MCU: variants seen among roughly 807,000 people sequenced by gnomAD.
MCU encodes mitochondrial calcium uniporter, also known as calcium uniporter protein, mitochondrial.
In MCU, 12 loss-of-function variants were observed where a neutral mutation model predicts 45.2. The observed-to-expected ratio is 0.27, with a 90% CI of 0.17 to 0.43. MCU has a LOEUF of 0.43. Ranked by LOEUF, MCU falls within the 20% of genes least tolerant of loss-of-function variation. MCU has a pLI of 1.00. For synonymous variants in MCU, 160 were observed against 165.1 expected (o/e 0.97, Z 0.24); for missense variants, 324 against 436.7 (o/e 0.74, Z 2.30).
intron 1 of MCU, among the ~76,000 whole-genome samples, chr10:72,805,538 C>T (rs1844434878): frequency 6.6e-6 from 1 of 152,132 alleles, no homozygotes; most frequent in Admixed American, 6.5e-5. Flanking sequence ...TGAGCCACCT[C>T]ACCCGGCTGC....
At chr10:72,852,853 A>G (rs1057233406) in intron 2 of MCU, among the ~76,000 whole-genome samples, 1 of 152,218 alleles carries the variant, frequency 6.6e-6, no homozygotes, top group Non-Finnish European at 1.5e-5. Flanking sequence ...CTAGAACATA[A>G]CTATTGCCAG....
intron 1 of MCU, among the ~76,000 whole-genome samples, chr10:72,713,399 C>G (rs1046715708): frequency 2.0e-5 from 3 of 152,176 alleles, no homozygotes; most frequent in African/African-American, 7.2e-5. Flanking sequence ...CCTGCCTCAG[C>G]CTCCCGAGTA....
At chr10:72,816,935 T>A (rs1339253984) in intron 1 of MCU, among the ~76,000 whole-genome samples, 2 of 152,232 alleles carry the variant, frequency 1.3e-5, no homozygotes, top group Non-Finnish European at 2.9e-5. Context: ...ATAAAAAGTG[T>A]TCTACAGCAA....
At chr10:72,772,250 G>T (rs1758168458) in intron 1 of MCU, among the ~76,000 whole-genome samples, 1 of 152,200 alleles carries the variant, frequency 6.6e-6, no homozygotes, top group South Asian at 2.1e-4. Context: ...AAGTCCCATG[G>T]GCACAAACTC....
At chr10:72,878,587 G>A (rs1413606701) in intron 6 of MCU, among the ~76,000 whole-genome samples, 1 of 152,112 alleles carries the variant, frequency 6.6e-6, no homozygotes, top group African/African-American at 2.4e-5. Flanking sequence ...AAACAACAAG[G>A]TTGAGAATAT....
chr10:72,766,376 T>C (rs1266799789), intron 1 of MCU, among the ~76,000 whole-genome samples: 3 of 152,178 alleles, frequency 2.0e-5, no homozygotes, highest in African/African-American at 7.2e-5. Context: ...TGCCACAGTC[T>C]CTGCAGTTCA....
rs368656438 is a variant in MCU at position 72,767,331 on chromosome 10, C to T, written c.151-67028C>T. On this transcript the variant is annotated intron_variant, in intron 1 of 7. Transcript: ENST00000373053. ...ATTCATAGTTAAGAAAACTGAGACA[C>T]AGGTATTATAGAGGCTCAGAGATTA... Among the ~76,000 whole-genome samples, 52 of 152,176 alleles carry T rather than the reference C, an allele frequency of 3.4e-4. 1 individual carries two copies. In the East Asian group the frequency reaches 5.0e-3, roughly 15 times the overall value.
At chr10:72,837,427 C>T (rs2132838868) in intron 2 of MCU, among the ~76,000 whole-genome samples, 1 of 152,264 alleles carries the variant, frequency 6.6e-6, no homozygotes, top group Middle Eastern at 3.4e-3. Context: ...GACAAGCAGA[C>T]CTAGGTTTAT....
At chr10:72,844,169 C>T (rs1312431782) in intron 2 of MCU, among the ~76,000 whole-genome samples, 1 of 152,024 alleles carries the variant, frequency 6.6e-6, no homozygotes, top group African/African-American at 2.4e-5. Context: ...GGCAGATCAC[C>T]TTAGGTCAGG....
At chr10:72,705,287 C>A (rs1842805795) in intron 1 of MCU, among the ~76,000 whole-genome samples, 1 of 152,278 alleles carries the variant, frequency 6.6e-6, no homozygotes, top group East Asian at 1.9e-4. Flanking sequence ...ATTTATATAT[C>A]AAAAATCAGA....
intron 1 of MCU, among the ~76,000 whole-genome samples, chr10:72,741,350 C>T (rs761912751): frequency 6.6e-6 from 1 of 152,192 alleles, no homozygotes; most frequent in Non-Finnish European, 1.5e-5. Flanking sequence ...ATCCGCCCGC[C>T]TTGGCCTTCC....
chr10:72,837,225 T>A (rs1439203150), intron 2 of MCU, among the ~76,000 whole-genome samples: 1 of 151,992 alleles, frequency 6.6e-6, no homozygotes. Context: ...TAAATACTTA[T>A]GAGAATCTAT....
intron 2 of MCU, among the ~76,000 whole-genome samples, chr10:72,853,693 GA>G (rs1000195625): frequency 1.3e-5 from 2 of 152,158 alleles, no homozygotes; most frequent in Non-Finnish European, 2.9e-5. Flanking sequence ...TCAAATTGTT[GA>G]AAACCAGTGA....
chr10:72,789,390 C>G (rs1324520693), intron 1 of MCU, among the ~76,000 whole-genome samples: 2 of 151,972 alleles, frequency 1.3e-5, no homozygotes, highest in African/African-American at 2.4e-5. Context: ...TATAACATTC[C>G]CAAAATGTCT....
rs555887994 is a variant in MCU at position 72,710,543 on chromosome 10, GTTTTTTTTTTTTT to G, written c.150+18257_150+18269del. Among the ~76,000 whole-genome samples, 512 of 84,310 alleles carry G rather than the reference GTTTTTTTTTTTTT, an allele frequency of 6.1e-3. 6 individuals carry two copies. Among genetic ancestry groups the G allele is most frequent in the African/African-American group, 0.02 (401 of 19,978 alleles). 55.3% of individuals were successfully genotyped at this position (84,310 alleles called of 152,430 possible). ...TGGAAAGGCCATTCCATCACCTAAG[GTTTTTTTTTTTTT>G]TTTTTTTTTTTTTTGGTGGAGGTGG... On this transcript the variant is annotated intron_variant, in intron 1 of 7. Transcript: ENST00000373053.
At chr10:72,759,235 C>CT (rs1843620315) in intron 1 of MCU, among the ~76,000 whole-genome samples, 1 of 152,062 alleles carries the variant, frequency 6.6e-6, no homozygotes, top group African/African-American at 2.4e-5. Context: ...GCTCACAACT[C>CT]TAAGGGGGTG....
intron 1 of MCU, among the ~76,000 whole-genome samples, chr10:72,792,771 T>G (rs1368118405): frequency 6.9e-6 from 1 of 145,720 alleles, no homozygotes; most frequent in Non-Finnish European, 1.5e-5. Flanking sequence ...TAAGATCTTC[T>G]CAGGAGTTTG....
At chr10:72,830,437 T>C (rs574006503) in intron 1 of MCU, among the ~76,000 whole-genome samples, 1 of 152,242 alleles carries the variant, frequency 6.6e-6, no homozygotes, top group South Asian at 2.1e-4. Flanking sequence ...AGTGATATGA[T>C]GGTTGGGATT....
At position 72,705,324 on chromosome 10, in the gene MCU, T is replaced by C. The variant is rs540730649; in HGVS notation, c.150+13023T>C. 2.6e-5 allele frequency among the ~76,000 whole-genome samples: 4 copies of C among 152,364 alleles called. No homozygotes were observed. The East Asian group carries it at 7.7e-4, about 29-fold the overall frequency. On this transcript the variant is annotated intron_variant, in intron 1 of 7. Transcript: ENST00000373053. ...GGCTACCTTATTTTCTTGTGCCTGCTTCCCCTACTCTGTTCCATAGAATTT... is the reference window on the plus strand; with the variant it reads ...GGCTACCTTATTTTCTTGTGCCTGCCTCCCCTACTCTGTTCCATAGAATTT...
Sources: gnomAD v4.1 joint callset for allele counts (sites outside exome capture counted in the v4.1 genomes callset) on GRCh38, gnomAD v4.1.1 for gene constraint, MANE v1.5 for transcripts, NCBI Gene and HGNC (gene_info 2026-07-23, HGNC 2026-07-21) for gene names.